C13orf46: variants seen among roughly 807,000 people sequenced by gnomAD.
C13orf46 encodes chromosome 13 open reading frame 46.
At chr13:113,963,967 C>T (rs1293543555) in intron 6 of C13orf46, among the ~76,000 whole-genome samples, 3 of 152,142 alleles carry the variant, frequency 2.0e-5, no homozygotes, top group African/African-American at 4.8e-5. Context: ...TCTCCTGCCT[C>T]GGCCTCCCTA....
the C13orf46 span, chr13:113,927,932 G>A: frequency 3.6e-6 from 1 of 274,490 alleles, no homozygotes; most frequent in Non-Finnish European, 6.8e-6. Flanking sequence ...GGTGCAGTCT[G>A]CCTGCGTTAT....
the C13orf46 span, among the ~76,000 whole-genome samples, chr13:113,943,094 C>T: frequency 8.2e-4 from 125 of 152,284 alleles, no homozygotes; most frequent in Non-Finnish European, 1.5e-3. Context: ...CAGGAGAGCT[C>T]GGGGAGAGCT....
At chr13:113,968,856 T>C (rs1299942097) in intron 2 of C13orf46, 96 bp from the exon 3 acceptor site, 1 of 152,350 alleles carries the variant, frequency 6.6e-6, no homozygotes, top group Admixed American at 6.5e-5. Context: ...GGCTTGAGGC[T>C]GGTGCCCCTG....
Position 113,973,889 on chromosome 13 carries a change from G to C in C13orf46, c.109C>G (p.Leu37Val), listed in dbSNP as rs893182012. 6.6e-6 allele frequency: 1 copy of C among 152,354 alleles called. No individual in the cohort carries two copies. Among genetic ancestry groups the C allele is most frequent in the African/African-American group, 2.4e-5 (1 of 41,464 alleles). The allele number at this position is 152,354 out of a possible 1,614,324, so 9.4% of individuals were successfully genotyped here. Residue 37 changes from leucine to valine, a missense_variant, in exon 1 of 7, where the codon CTT (leucine) becomes GTT (valine). Transcript: ENST00000636427. The part of the protein sequence containing the change: ...HLKAASEASE[L>V]QRSRSLGGLQ... ...CCTCCCAGACTCCTGCTTCGCTGAAGTTCAGAGGCCTCACTGGCCGCCTTG... is the reference window on the plus strand; with the variant it reads ...CCTCCCAGACTCCTGCTTCGCTGAACTTCAGAGGCCTCACTGGCCGCCTTG...
Position 113,954,921 on chromosome 13 carries a change from CATCTGGCGGAGACGAGGAGGAGG to C in C13orf46, c.*1829_*1851del, listed in dbSNP as rs2052509695. 6.1e-3 allele frequency: 961 copies of C among 158,204 alleles called. 27 individuals carry two copies. The highest frequency in any genetic ancestry group is 0.026 in the African/African-American group (894 of 33,794). The allele number at this position is 158,204 out of a possible 1,614,324, so 9.8% of individuals were successfully genotyped here. Reference sequence around the variant, plus strand: ...AGCATCTGGCGGAGACGAGGAGGAGCATCTGGCGGAGACGAGGAGGAGGATCTGGCGGAGACGAGGAGGAGGAT... The same window carrying C: ...AGCATCTGGCGGAGACGAGGAGGAGCATCTGGCGGAGACGAGGAGGAGGAT... On this transcript the variant is annotated 3_prime_UTR_variant, in exon 7 of 7. Transcript: ENST00000636427.
chr13:113,929,579 T>C, the C13orf46 span, among the ~76,000 whole-genome samples: 1 of 152,222 alleles, frequency 6.6e-6, no homozygotes, highest in Admixed American at 6.5e-5. Flanking sequence ...GGAGGTGCCA[T>C]GTGGGACGAA....
the C13orf46 span, among the ~76,000 whole-genome samples, chr13:113,936,869 AG>A: frequency 5.9e-5 from 9 of 151,650 alleles, no homozygotes; most frequent in Non-Finnish European, 1.2e-4. Flanking sequence ...GGCCAGTCTT[AG>A]GTTCCACCGT....
At chr13:113,929,855 G>A in the C13orf46 span, among the ~76,000 whole-genome samples, 2 of 152,350 alleles carry the variant, frequency 1.3e-5, no homozygotes, top group East Asian at 1.9e-4. Context: ...GCCCTCCAAT[G>A]GAAAAGCTGC....
chr13:113,931,369 G>T, the C13orf46 span, among the ~76,000 whole-genome samples: 1 of 152,242 alleles, frequency 6.6e-6, no homozygotes, highest in South Asian at 2.1e-4. Flanking sequence ...CTCAGTGAGA[G>T]CACCCCTTCT....
rs1260055178 is a variant in C13orf46, at chr13:113,956,833, C to T, written c.579G>A (p.Gln193=). 6.6e-6 allele frequency: 1 copy of T among 152,346 alleles called. No homozygotes were observed. The highest frequency in any genetic ancestry group is 6.5e-5 in the Admixed American group (1 of 15,286). 9.4% of individuals were successfully genotyped at this position (152,346 alleles called of 1,614,324 possible). ...ACGGGATGCAGCACACCCAGCTGGT[C>T]TGCATCCTGCAGGGCGAGAGGAGGG... is the stretch of plus-strand genomic sequence containing the variant. ...DVEDLSEDEM[Q]TSWVCCIPYS... Residue 193 remains glutamine (Q), a synonymous_variant, in exon 7 of 7, where the codon CAG becomes CAA. Transcript: ENST00000636427.
At chr13:113,952,941 C>T (rs2052495177), downstream of C13orf46, among the ~76,000 whole-genome samples, 1 of 152,224 alleles carries the variant, frequency 6.6e-6, no homozygotes, top group African/African-American at 2.4e-5. Flanking sequence ...GCAGGAGCTG[C>T]TCTCGGGCTC....
intron 5 of C13orf46, among the ~76,000 whole-genome samples, chr13:113,965,630 TGAC>T (rs1434618157): frequency 6.6e-6 from 1 of 152,090 alleles, no homozygotes; most frequent in Non-Finnish European, 1.5e-5. Flanking sequence ...GTGGTGATGA[TGAC>T]AGTGATGATG....
chr13:113,948,112 C>T, the C13orf46 span, among the ~76,000 whole-genome samples: 13 of 152,256 alleles, frequency 8.5e-5, no homozygotes, highest in African/African-American at 2.7e-4. Context: ...TCTCAAAAAC[C>T]TGCCTGAGCA....
chr13:113,934,434 T>C, the C13orf46 span, among the ~76,000 whole-genome samples: 178 of 152,306 alleles, frequency 1.2e-3, no homozygotes, highest in African/African-American at 4.0e-3. Flanking sequence ...GTCGGATGCA[T>C]GGGCAAGGGT....
Position 113,969,783 on chromosome 13 carries a change from C to T in C13orf46, c.242+388G>A, listed in dbSNP as rs1594254478. Among the ~76,000 whole-genome samples the T allele has an allele frequency of 5.9e-5, 9 of 152,270 alleles. No individual in the cohort carries two copies. The East Asian group carries it at 1.4e-3, about 23-fold the overall frequency. On this transcript the variant is annotated intron_variant, in intron 2 of 6. Transcript: ENST00000636427. ...CTGTCCAGGGCCCCACGCCCTCTCCCTAAAGGAGCACTCGAGTTGTTTACA... is the reference window on the plus strand; with the variant it reads ...CTGTCCAGGGCCCCACGCCCTCTCCTTAAAGGAGCACTCGAGTTGTTTACA...
chr13:113,941,410 G>A, the C13orf46 span, among the ~76,000 whole-genome samples: 1 of 81,444 alleles, frequency 1.2e-5, no homozygotes, highest in Non-Finnish European at 2.5e-5. Context: ...GAGGCTGAGC[G>A]TTCGAGACCC....
At position 113,955,583 on chromosome 13, in the gene C13orf46, ATCTCGTGGAGCG is replaced by A. The variant is rs2052521462; in HGVS notation, c.*1178_*1189del. 3 of 159,886 alleles carry A rather than the reference ATCTCGTGGAGCG, an allele frequency of 1.9e-5. No individual in the cohort carries two copies. The highest frequency in any genetic ancestry group is 6.6e-5 in the Admixed American group (1 of 15,142). The allele number at this position is 159,886 out of a possible 1,614,324, so 9.9% of individuals were successfully genotyped here. On this transcript the variant is annotated 3_prime_UTR_variant, in exon 7 of 7. Coordinates refer to ENST00000636427, the MANE Select transcript of C13orf46 (RefSeq NM_001365455.2). ...GGAGCATCTCGTGGAGAGGAGGAGC[ATCTCGTGGAGCG>A]GAGGAGCATCTGGCAGAGACGAGGA...
the C13orf46 span, among the ~76,000 whole-genome samples, chr13:113,928,997 C>A: frequency 6.6e-6 from 1 of 152,234 alleles, no homozygotes; most frequent in Non-Finnish European, 1.5e-5. Context: ...ACTGCACTGG[C>A]CGGAACCAAT....
the C13orf46 span, among the ~76,000 whole-genome samples, chr13:113,929,083 C>T: frequency 1.3e-5 from 2 of 152,360 alleles, no homozygotes; most frequent in South Asian, 2.1e-4. Flanking sequence ...CTGGCACAGC[C>T]GTGGGCCCCT....
Sources: gnomAD v4.1 joint callset for allele counts (sites outside exome capture counted in the v4.1 genomes callset) on GRCh38, gnomAD v4.1.1 for gene constraint, MANE v1.5 for transcripts, NCBI Gene and HGNC (gene_info 2026-07-23, HGNC 2026-07-21) for gene names.